TRAF3IP3: variants seen among roughly 807,000 people sequenced by gnomAD.
TRAF3IP3 encodes TRAF3-interacting JNK-activating modulator.
Under a neutral mutation model 86.5 loss-of-function variants are expected in TRAF3IP3, and 64 were observed. The ratio of observed to expected loss-of-function variants is 0.74; its 90% CI spans 0.60 to 0.91. The LOEUF is 0.91. Among genes scored for constraint, TRAF3IP3 ranks in the 40% least tolerant of loss-of-function variants. The pLI is 0.00. For synonymous variants in TRAF3IP3, 220 were observed against 243.9 expected (o/e 0.90, Z 0.91); for missense variants, 579 against 642.9 (o/e 0.90, Z 1.07).
In TRAF3IP3 at chr1:209,767,131, G is replaced by A. The variant is rs1239304657; in HGVS notation, c.702+3544G>A. ...GAATTATGGGTCTTAAACTTTTTCT[G>A]TTGAACAAGGTATCTCAAACTTGAA... On this transcript the variant is annotated intron_variant, in intron 8 of 16. Coordinates refer to ENST00000367025, the MANE Select transcript of TRAF3IP3 (RefSeq NM_025228.4). Among the ~76,000 whole-genome samples the A allele has an allele frequency of 3.3e-5, 5 of 152,138 alleles. No individual in the cohort carries two copies. The South Asian group carries it at 8.3e-4, about 25-fold the overall frequency.
At chr1:209,767,932 C>T (rs1480062538) in intron 8 of TRAF3IP3, among the ~76,000 whole-genome samples, 1 of 152,108 alleles carries the variant, frequency 6.6e-6, no homozygotes, top group Non-Finnish European at 1.5e-5. Flanking sequence ...GGTTTCCTCC[C>T]TCCCTTCTTC....
At chr1:209,766,945 T>C (rs758498256) in intron 8 of TRAF3IP3, among the ~76,000 whole-genome samples, 3 of 151,418 alleles carry the variant, frequency 2.0e-5, no homozygotes, top group Non-Finnish European at 4.4e-5. Flanking sequence ...GAAGCAAGAG[T>C]GATGATGAGG....
Position 209,782,131 on chromosome 1 carries a change from GACA to G in TRAF3IP3, c.1642_1644del (p.Asn548del), listed in dbSNP as rs775186506. 3 of 1,614,020 alleles carry G rather than the reference GACA, an allele frequency of 1.9e-6. No individual in the cohort carries two copies. The South Asian group carries it at 3.3e-5, about 18-fold the overall frequency. ...ACTGGCAGTGTTCCTGGCCAATAAAGACAACCTGATGATCTGAATAATTTGTGA... is the reference window on the plus strand; with the variant it reads ...ACTGGCAGTGTTCCTGGCCAATAAAGACCTGATGATCTGAATAATTTGTGA... On this transcript the variant is annotated inframe_deletion, in exon 17 of 17. Coordinates refer to ENST00000367025, the MANE Select transcript of TRAF3IP3 (RefSeq NM_025228.4).
intron 8 of TRAF3IP3, among the ~76,000 whole-genome samples, chr1:209,767,636 T>C (rs2077382115): frequency 1.3e-5 from 2 of 151,160 alleles, no homozygotes; most frequent in Admixed American, 1.3e-4. Context: ...GCTGCACCAC[T>C]GTACTCCTGC....
rs2077778106 is a variant in TRAF3IP3, at chr1:209,781,435, C to T, written c.1540C>T (p.Gln514Ter). The change falls in exon 16 of 17, where the codon CAG becomes TAG. Residue 514 changes from glutamine (Q) to a stop codon, truncating the protein, a stop_gained. Coordinates refer to ENST00000367025, the MANE Select transcript of TRAF3IP3 (RefSeq NM_025228.4). LOFTEE classifies it high-confidence loss of function. Reference protein sequence around the residue: ...KLQHCREELNQSQQLPPRRQC... With the variant: ...KLQHCREELN ...GCAGCACTGTCGAGAAGAGCTGAAC[C>T]AGAGCCAGCAGCTGCCTCCCAGAGT... 6.2e-7 allele frequency: 1 copy of T among 1,612,966 alleles called. No homozygotes were observed. The highest frequency in any genetic ancestry group is 1.7e-5 in the Admixed American group (1 of 59,938).
chr1:209,779,068 T>C, intron 13 of TRAF3IP3: 1 of 555,502 alleles, frequency 1.8e-6, no homozygotes, highest in Non-Finnish European at 3.2e-6. Flanking sequence ...ACCAGTGATA[T>C]TAGATTGGGG....
At chr1:209,759,955 C>A in intron 2 of TRAF3IP3, 27 bp from the exon 3 acceptor site, 2 of 1,171,776 alleles carry the variant, frequency 1.7e-6, no homozygotes, top group Middle Eastern at 2.7e-4. Context: ...GACCCCTCCC[C>A]TTCTCCTCCC....
chr1:209,756,716 A>G (rs1200884888), intron 1 of TRAF3IP3, among the ~76,000 whole-genome samples: 1 of 152,246 alleles, frequency 6.6e-6, no homozygotes, highest in Non-Finnish European at 1.5e-5. Flanking sequence ...GCTCTGGGCC[A>G]GGAAGGCCAA....
intron 3 of TRAF3IP3, among the ~76,000 whole-genome samples, chr1:209,762,238 CAGAG>C (rs1031973394): frequency 2.6e-5 from 4 of 152,156 alleles, no homozygotes; most frequent in African/African-American, 9.7e-5. Flanking sequence ...AGGCAGAGAG[CAGAG>C]AGAGAAAGCA....
rs770090744 is a variant in TRAF3IP3 at position 209,775,400 on chromosome 1, A to C, written c.826A>C (p.Lys276Gln). The stretch of plus-strand genomic sequence containing the variant: ...AGTACTACTGGAGATGGAAGACCAG[A>C]AAAACAGCTATGAGCAGAAGGCCAA... ...KKVLLEMEDQ[K>Q]NSYEQKAKES... is the part of the protein sequence containing the mutation. The change falls in exon 10 of 17, where the codon AAA becomes CAA. Residue 276 changes from lysine to glutamine, a missense_variant. Physicochemically the swap from Lys to Gln is moderately conservative, Grantham distance 53. Transcript: ENST00000367025. The C allele has an allele frequency of 3.1e-6, 5 of 1,614,154 alleles. No homozygotes were observed. Among genetic ancestry groups the C allele is most frequent in the Non-Finnish European group, 4.2e-6 (5 of 1,179,996 alleles).
At position 209,762,839 on chromosome 1, in the gene TRAF3IP3, A is replaced by G. The variant is rs369602590; in HGVS notation, c.520A>G (p.Thr174Ala). The G allele has an allele frequency of 2.5e-6, 4 of 1,613,464 alleles. No homozygotes were observed. In the African/African-American group the frequency reaches 5.4e-5, roughly 22 times the overall value. Residue 174 changes from threonine (T) to alanine (A), a missense_variant, in exon 5 of 17, where the codon ACA becomes GCA. Thr to Ala is a moderately conservative substitution (Grantham distance 58, BLOSUM62 0). Coordinates refer to ENST00000367025, the MANE Select transcript of TRAF3IP3 (RefSeq NM_025228.4). ...RGTQTKAEGP[T>A]IKNDASQQTN... ...TACTCAGACAAAGGCAGAAGGACCAACAATTAAGAACGATGCCAGTCAGCA... is the reference window on the plus strand; with the variant it reads ...TACTCAGACAAAGGCAGAAGGACCAGCAATTAAGAACGATGCCAGTCAGCA...
chr1:209,766,374 G>A (rs2077357253), intron 8 of TRAF3IP3, among the ~76,000 whole-genome samples: 2 of 152,230 alleles, frequency 1.3e-5, no homozygotes, highest in Admixed American at 6.5e-5. Context: ...GCTGGGCCTT[G>A]TGCTACAGGG....
At chr1:209,758,955 T>C (rs2077199817) in intron 1 of TRAF3IP3, 79 bp from the exon 2 acceptor site, 1 of 152,218 alleles carries the variant, frequency 6.6e-6, no homozygotes, top group African/African-American at 2.4e-5. Flanking sequence ...CAGAGGGTCA[T>C]CCTGTGGCCC....
intron 14 of TRAF3IP3, 35 bp from the exon 15 acceptor site, chr1:209,780,435 C>A: frequency 6.6e-7 from 1 of 1,517,962 alleles, no homozygotes; most frequent in Non-Finnish European, 8.9e-7. Context: ...GAGGTGTGGG[C>A]CTCACTGTCA....
At chr1:209,761,744 CACAG>C (rs2102434778) in intron 3 of TRAF3IP3, among the ~76,000 whole-genome samples, 1 of 152,384 alleles carries the variant, frequency 6.6e-6, no homozygotes, top group Non-Finnish European at 1.5e-5. Context: ...CTCCTCACTA[CACAG>C]ACAGAAGACT....
chr1:209,773,046 C>T (rs1168058104), intron 9 of TRAF3IP3, 27 bp downstream of exon 9: 1 of 1,554,804 alleles, frequency 6.4e-7, no homozygotes, highest in African/African-American at 1.4e-5. Flanking sequence ...ATACTTCCAT[C>T]TCAGGAATCT....
intron 16 of TRAF3IP3, 63 bp from the exon 17 acceptor site, chr1:209,781,993 T>C (rs1262560015): frequency 5.1e-6 from 7 of 1,361,626 alleles, no homozygotes; most frequent in Non-Finnish European, 7.4e-6. Context: ...AAGAAAGATT[T>C]TTGCCTATAT....
In TRAF3IP3 at chr1:209,760,127, C is replaced by A; in HGVS notation, c.88C>A (p.Arg30Ser). The A allele has an allele frequency of 6.2e-7, 1 of 1,614,172 alleles. No homozygotes were observed. The highest frequency in any genetic ancestry group is 8.5e-7 in the Non-Finnish European group (1 of 1,180,032). The change falls in exon 3 of 17, where the codon CGT becomes AGT. Residue 30 changes from arginine (R) to serine (S), a missense_variant. Arg to Ser is a moderately radical substitution (Grantham distance 110). Transcript: ENST00000367025. ...CAAGTGTGAGCGCAGGCAAGAGATC[C>A]GTGAAAGCCGCCGCTGCCGTCCCAA... ...EAKCERRQEI[R>S]ESRRCRPNVT... is the part of the protein sequence containing the mutation.
rs780835807 is a variant in TRAF3IP3, at chr1:209,775,677, C to G, written c.994C>G (p.Leu332Val). 2.2e-5 allele frequency: 36 copies of G among 1,613,976 alleles called. No individual in the cohort carries two copies. Among genetic ancestry groups the G allele is most frequent in the Non-Finnish European group, 5.1e-6 (6 of 1,180,024 alleles). ...YEALKEDWRT[L>V]GTQHRELESQ... is the part of the protein sequence containing the mutation. ...GGCTCTGAAGGAGGACTGGAGGACCCTTGGGACCCAGCACAGGGAGCTGGA... is the reference window on the plus strand; with the variant it reads ...GGCTCTGAAGGAGGACTGGAGGACCGTTGGGACCCAGCACAGGGAGCTGGA... Residue 332 changes from leucine to valine, a missense_variant, in exon 11 of 17, where the codon CTT becomes GTT. Transcript: ENST00000367025.
Sources: allele counts gnomAD v4.1 joint callset (sites outside exome capture counted in the v4.1 genomes callset), GRCh38; gene constraint gnomAD v4.1.1; transcripts MANE v1.5; gene names NCBI Gene and HGNC (gene_info 2026-07-23, HGNC 2026-07-21).